SBSPON: variants seen among roughly 807,000 people sequenced by gnomAD.
SBSPON encodes the protein somatomedin B and thrombospondin type 1 domain containing.
In SBSPON, 30 loss-of-function variants were observed where a neutral mutation model predicts 35.8. The ratio of observed to expected loss-of-function variants is 0.84; its 90% confidence interval spans 0.63 to 1.14. The LOEUF (loss-of-function observed/expected upper bound fraction) is 1.14. SBSPON is among the 50% of genes most tolerant of loss of function. SBSPON has a pLI of 0.00. For missense variants in SBSPON, 364 were observed against 357.7 expected (o/e 1.02, Z -0.14); for synonymous variants, 136 against 135.9 (o/e 1.00, Z 0.00).
chr8:73,069,266 T>G (rs117752049), intron 4 of SBSPON, among the ~76,000 whole-genome samples: 6 of 152,090 alleles, frequency 3.9e-5, no homozygotes, highest in African/African-American at 9.7e-5. Flanking sequence ...TTTGGGAATG[T>G]GATCTAAACT....
intron 2 of SBSPON, among the ~76,000 whole-genome samples, chr8:73,072,593 C>T (rs909218430): frequency 2.0e-5 from 3 of 152,114 alleles, no homozygotes; most frequent in Admixed American, 6.5e-5. Context: ...CACTTGAACC[C>T]GGGAGGCGGA....
intron 3 of SBSPON, 22 bp downstream of exon 3, chr8:73,071,753 TAAAAA>T: frequency 1.6e-6 from 2 of 1,286,920 alleles, no homozygotes; most frequent in South Asian, 1.3e-5. Flanking sequence ...AAAACATGAT[TAAAAA>T]AAAAAAAAAA....
At chr8:73,085,246 A>G (rs1189404529) in intron 1 of SBSPON, among the ~76,000 whole-genome samples, 1 of 152,122 alleles carries the variant, frequency 6.6e-6, no homozygotes, top group African/African-American at 2.4e-5. Context: ...CCTTAAGATC[A>G]GGTAGGTCCA....
At chr8:73,086,800 G>T (rs1351523817) in intron 1 of SBSPON, among the ~76,000 whole-genome samples, 1 of 152,186 alleles carries the variant, frequency 6.6e-6, no homozygotes, top group Non-Finnish European at 1.5e-5. Flanking sequence ...TTCTTTCTGG[G>T]TAACAGGTTT....
At position 73,069,777 on chromosome 8, in the gene SBSPON, AAGTACTTC is replaced by A. The variant is rs760057080; in HGVS notation, c.677+20_677+27del. 6.3e-6 allele frequency: 10 copies of A among 1,590,588 alleles called. No individual in the cohort carries two copies. The highest frequency in any genetic ancestry group is 1.7e-4 in the Middle Eastern group (1 of 6,010). ...GATTTCTCAGAATGAGTGACAAGAAAAGTACTTCAGTTAATTTCCATTCTTACCCATCG... is the reference window on the plus strand; with the variant it reads ...GATTTCTCAGAATGAGTGACAAGAAAAGTTAATTTCCATTCTTACCCATCG... On this transcript the variant is annotated intron_variant, in intron 4 of 4. Coordinates refer to ENST00000297354, the MANE Select transcript of SBSPON (RefSeq NM_153225.4).
At chr8:73,088,004 A>G (rs1279740692) in intron 1 of SBSPON, among the ~76,000 whole-genome samples, 1 of 152,182 alleles carries the variant, frequency 6.6e-6, no homozygotes, top group East Asian at 1.9e-4. Context: ...CAGCCAGTGG[A>G]GAATTTTCCA....
intron 4 of SBSPON, among the ~76,000 whole-genome samples, chr8:73,068,311 T>C (rs746267895): frequency 6.6e-6 from 1 of 152,230 alleles, no homozygotes; most frequent in Non-Finnish European, 1.5e-5. Flanking sequence ...TTATTGTTCT[T>C]ATGGTGTGCT....
At position 73,065,618 on chromosome 8, in the gene SBSPON, A is replaced by G. The variant is rs1810374162; in HGVS notation, c.*1723T>C. On this transcript the variant is annotated 3_prime_UTR_variant, in exon 5 of 5. Coordinates refer to ENST00000297354, the MANE Select transcript of SBSPON (RefSeq NM_153225.4). Reference sequence around the variant, plus strand: ...GTGAAACCCTGTCTCTACTAAAAAAAAAAAACAAAAAATTAGCCAGGCGTG... The same window carrying G: ...GTGAAACCCTGTCTCTACTAAAAAAGAAAAACAAAAAATTAGCCAGGCGTG... 1.3e-5 allele frequency: 2 copies of G among 151,958 alleles called. No homozygotes were observed. Among genetic ancestry groups the G allele is most frequent in the East Asian group, 3.9e-4 (2 of 5,182 alleles). 9.4% of individuals were successfully genotyped at this position (151,958 alleles called of 1,614,324 possible).
At chr8:73,086,451 C>G (rs186399388) in intron 1 of SBSPON, among the ~76,000 whole-genome samples, 1 of 152,134 alleles carries the variant, frequency 6.6e-6, no homozygotes, top group East Asian at 1.9e-4. Flanking sequence ...CATGAGCCAC[C>G]GTGCCCGGCC....
At position 73,067,392 on chromosome 8, in the gene SBSPON, C is replaced by A. The variant is rs1182512499; in HGVS notation, c.744G>T (p.Arg248=). The change falls in exon 5 of 5, where the codon CGG becomes CGT. Residue 248 remains arginine, a synonymous_variant. Transcript: ENST00000297354. The part of the protein sequence containing the change: ...PRCQGTWKKV[R]RVDQCSCPAV... ...CTGGACAAGAACACTGGTCTACTCG[C>A]CGAACTTTTTTCCAAGTTCCTTGAC... The A allele has an allele frequency of 1.2e-6, 2 of 1,611,956 alleles. No individual in the cohort carries two copies. The highest frequency in any genetic ancestry group is 2.2e-5 in the South Asian group (2 of 91,024).
At chr8:73,069,153 A>G (rs937754886) in intron 4 of SBSPON, among the ~76,000 whole-genome samples, 1 of 152,186 alleles carries the variant, frequency 6.6e-6, no homozygotes, top group African/African-American at 2.4e-5. Flanking sequence ...TTAGTCGGAA[A>G]TGAGGTTCAG....
At chr8:73,080,408 G>A (rs895799350) in intron 2 of SBSPON, among the ~76,000 whole-genome samples, 2 of 152,028 alleles carry the variant, frequency 1.3e-5, no homozygotes, top group East Asian at 1.9e-4. Context: ...CCAGCTACTC[G>A]GGAGGCTGAG....
chr8:73,082,294 C>T (rs1007648811), intron 1 of SBSPON, among the ~76,000 whole-genome samples: 7 of 152,210 alleles, frequency 4.6e-5, no homozygotes, highest in African/African-American at 1.7e-4. Context: ...AGACAGAAGA[C>T]ATGCCCATGA....
At position 73,082,062 on chromosome 8, in the gene SBSPON, C is replaced by T. The variant is rs541275786; in HGVS notation, c.215-849G>A. Among the ~76,000 whole-genome samples the T allele has an allele frequency of 3.3e-5, 5 of 152,274 alleles. No homozygotes were observed. In the East Asian group the frequency reaches 5.8e-4, roughly 18 times the overall value. ...AGTCCAGCAATACATACTGGGATTC[C>T]CCTGATGGACAACTAAAGCCATTCT... is the stretch of plus-strand genomic sequence containing the variant. On this transcript the variant is annotated intron_variant, in intron 1 of 4. Coordinates refer to ENST00000297354, the MANE Select transcript of SBSPON (RefSeq NM_153225.4).
chr8:73,077,542 C>T (rs1286669534), intron 2 of SBSPON, among the ~76,000 whole-genome samples: 1 of 152,234 alleles, frequency 6.6e-6, no homozygotes, highest in Non-Finnish European at 1.5e-5. Flanking sequence ...TTCTATTTAG[C>T]TGTGATATGT....
At chr8:73,068,648 C>A (rs188278772) in intron 4 of SBSPON, among the ~76,000 whole-genome samples, 136 of 152,208 alleles carry the variant, frequency 8.9e-4, no homozygotes, top group African/African-American at 3.2e-3. Flanking sequence ...GAGAAATCTA[C>A]AGATTTATAT....
chr8:73,084,759 C>G (rs773258091), intron 1 of SBSPON, among the ~76,000 whole-genome samples: 9 of 74,570 alleles, frequency 1.2e-4, no homozygotes, highest in African/African-American at 3.2e-4. Context: ...GACACACACA[C>G]ACACACACAC....
chr8:73,067,837 C>A (rs1466201743), intron 4 of SBSPON, among the ~76,000 whole-genome samples: 1 of 149,876 alleles, frequency 6.7e-6, no homozygotes, highest in Non-Finnish European at 1.5e-5. Flanking sequence ...ACCCACTGCA[C>A]CCGGTTCCCC....
At chr8:73,084,864 T>G (rs922453060) in intron 1 of SBSPON, among the ~76,000 whole-genome samples, 2 of 152,090 alleles carry the variant, frequency 1.3e-5, no homozygotes, top group Non-Finnish European at 2.9e-5. Context: ...AATTACTTAT[T>G]CATTTGTTGT....
Sources: gnomAD v4.1 joint callset for allele counts (sites outside exome capture counted in the v4.1 genomes callset) on GRCh38, gnomAD v4.1.1 for gene constraint, MANE v1.5 for transcripts, NCBI Gene and HGNC (gene_info 2026-07-23, HGNC 2026-07-21) for gene names.